Variants in PCDH11X observed in about 807,000 individuals in gnomAD.
The protein encoded by PCDH11X is protocadherin 11 X-linked.
Under a neutral mutation model 53.3 loss-of-function variants are expected in PCDH11X, and 18 were observed. The observed-to-expected ratio is 0.34, with a 90% confidence interval of 0.23 to 0.50. The LOEUF (loss-of-function observed/expected upper bound fraction) is 0.50, where lower values mean the gene tolerates loss of function less well. Ranked by LOEUF, PCDH11X falls within the 20% of genes least tolerant of loss-of-function variation. The probability of loss-of-function intolerance (pLI) is 0.98; values close to 1 mark genes in which losing one functional copy is unlikely to be tolerated. For missense variants in PCDH11X, 570 were observed against 1,032.4 expected, an observed-to-expected ratio of 0.55 and a Z score of 6.14; for synonymous variants, 279 against 393.3, an observed-to-expected ratio of 0.71 and a Z score of 3.44.
intron 4 of PCDH11X, among the ~76,000 whole-genome samples, chrX:91,827,690 G>A (rs943575071): frequency 7.2e-5 from 8 of 111,059 alleles, no homozygotes; most frequent in East Asian, 2.8e-4. Flanking sequence ...GTCCCAGCCC[G>A]ATTTGTTGTG....
intron 1 of PCDH11X, among the ~76,000 whole-genome samples, chrX:91,783,357 C>T (rs1486165578): frequency 8.9e-6 from 1 of 111,840 alleles, no homozygotes; most frequent in Non-Finnish European, 1.9e-5. Flanking sequence ...GCTCCTTGGC[C>T]TTTTTGTCAC....
chrX:92,312,689 A>G (rs373976920), intron 8 of PCDH11X, among the ~76,000 whole-genome samples: 1 of 112,042 alleles, frequency 8.9e-6, no homozygotes, highest in East Asian at 2.8e-4. Flanking sequence ...TTTTATTTTT[A>G]CCAGCCACAA....
chrX:92,148,020 C>T (rs1226965840), intron 6 of PCDH11X, among the ~76,000 whole-genome samples: 18 of 70,861 alleles, frequency 2.5e-4, no homozygotes, highest in African/African-American at 1.1e-3. Context: ...TCTTTCCTTC[C>T]TTCCTTCCTT....
At chrX:92,575,940 TATATACAC>T (rs1326760299) in intron 10 of PCDH11X, among the ~76,000 whole-genome samples, 1 of 26,545 alleles carries the variant, frequency 3.8e-5, no homozygotes. Context: ...TATATATATA[TATATACAC>T]ACACACACAC....
chrX:92,096,850 G>A (rs188555010), intron 6 of PCDH11X, among the ~76,000 whole-genome samples: 1 of 111,171 alleles, frequency 9.0e-6, no homozygotes, highest in Admixed American at 9.6e-5. Flanking sequence ...ATGAAGATTT[G>A]GATGGGGACA....
chrX:92,212,099 C>T (rs1244846138), intron 7 of PCDH11X, among the ~76,000 whole-genome samples: 3 of 100,776 alleles, frequency 3.0e-5, no homozygotes, highest in African/African-American at 7.4e-5. Context: ...GCAACCTTCA[C>T]CTCCCAGGCT....
chrX:91,870,828 G>A (rs28565488), intron 5 of PCDH11X, among the ~76,000 whole-genome samples: 2 of 109,149 alleles, frequency 1.8e-5, no homozygotes, highest in South Asian at 8.1e-4. Flanking sequence ...TTACCCAAAG[G>A]GAGATGGTGT....
At chrX:91,967,010 T>C (rs1187259528) in intron 6 of PCDH11X, among the ~76,000 whole-genome samples, 18 of 80,492 alleles carry the variant, frequency 2.2e-4, no homozygotes, top group Non-Finnish European at 3.4e-4. Context: ...GGCCCCAATG[T>C]GTGTTGTTCC....
chrX:92,407,428 C>T (rs896689722), intron 9 of PCDH11X, among the ~76,000 whole-genome samples: 1 of 108,170 alleles, frequency 9.2e-6, no homozygotes, highest in Non-Finnish European at 1.9e-5. Context: ...TGTTGCTCAA[C>T]ATCCCATAGC....
intron 8 of PCDH11X, among the ~76,000 whole-genome samples, chrX:92,295,590 T>C (rs1176654546): frequency 9.1e-6 from 1 of 110,087 alleles, no homozygotes; most frequent in Non-Finnish European, 1.9e-5. Flanking sequence ...CTGGTCTTAG[T>C]GAGAAAGCAC....
At chrX:92,515,607 C>T (rs2074256145) in intron 10 of PCDH11X, 1 of 119,229 alleles carries the variant, frequency 8.4e-6, no homozygotes, top group Non-Finnish European at 1.7e-5. Flanking sequence ...CGTCCAACTG[C>T]TGAAGATAAG....
intron 6 of PCDH11X, among the ~76,000 whole-genome samples, chrX:91,958,129 G>C (rs2061734871): frequency 1.8e-5 from 2 of 111,156 alleles, no homozygotes; most frequent in Admixed American, 1.9e-4. Context: ...GGGCAGGCTG[G>C]AATAGCTGAG....
intron 8 of PCDH11X, among the ~76,000 whole-genome samples, chrX:92,370,512 T>C (rs1269861831): frequency 9.7e-6 from 1 of 103,173 alleles, no homozygotes; most frequent in African/African-American, 3.6e-5. Context: ...CAGGCTGGAA[T>C]GCAGTGGTGT....
rs5941086 is a variant in PCDH11X at position 92,436,518 on chromosome X, T to A, written c.3344-31781T>A. 3.4e-4 allele frequency among the ~76,000 whole-genome samples: 38 copies of A among 110,397 alleles called. No homozygotes were observed. In the East Asian group the frequency reaches 9.8e-3, roughly 28 times the overall value. On this transcript the variant is annotated intron_variant, in intron 9 of 10. Coordinates refer to ENST00000682573, the MANE Select transcript of PCDH11X (RefSeq NM_032968.5). Reference sequence around the variant, plus strand: ...AAAATCATTCTAACATAGAGAAACATGCACACAAATGTTCACTGCAGCACT... The same window carrying A: ...AAAATCATTCTAACATAGAGAAACAAGCACACAAATGTTCACTGCAGCACT...
At chrX:92,063,202 G>C (rs997486664) in intron 6 of PCDH11X, among the ~76,000 whole-genome samples, 29 of 104,794 alleles carry the variant, frequency 2.8e-4, no homozygotes, top group Non-Finnish European at 4.7e-4. Flanking sequence ...GGGGTGGGGG[G>C]CTAGGGGAGG....
chrX:91,859,741 T>A (rs937172915), intron 5 of PCDH11X, among the ~76,000 whole-genome samples: 38 of 107,464 alleles, frequency 3.5e-4, no homozygotes, highest in Non-Finnish European at 6.7e-4. Flanking sequence ...TTGTTTTTTT[T>A]TTTTCAGGTT....
At chrX:92,232,392 C>A (rs748528181) in intron 7 of PCDH11X, among the ~76,000 whole-genome samples, 1 of 111,775 alleles carries the variant, frequency 8.9e-6, no homozygotes, top group East Asian at 2.8e-4. Flanking sequence ...GTGCACTCTG[C>A]AACTTTGTTG....
chrX:92,595,216 G>A (rs1424360600), intron 10 of PCDH11X, among the ~76,000 whole-genome samples: 3 of 108,474 alleles, frequency 2.8e-5, no homozygotes, highest in African/African-American at 1.0e-4. Flanking sequence ...CACAGTCCCT[G>A]TTTAGGAGTC....
At chrX:92,397,697 A>C (rs1204275170) in intron 9 of PCDH11X, among the ~76,000 whole-genome samples, 2 of 110,445 alleles carry the variant, frequency 1.8e-5, no homozygotes, top group African/African-American at 6.6e-5. Flanking sequence ...AGTTACAAGG[A>C]CAGAGTACTC....
Sources: allele counts gnomAD v4.1 joint callset (sites outside exome capture counted in the v4.1 genomes callset), GRCh38; gene constraint gnomAD v4.1.1; transcripts MANE v1.5; gene names NCBI Gene and HGNC (gene_info 2026-07-23, HGNC 2026-07-21).